Variants in KIAA1671 observed in about 807,000 individuals in gnomAD.
KIAA1671 encodes the protein KIAA1671.
In KIAA1671, 52 loss-of-function variants were observed where a neutral mutation model predicts 131.2. The observed-to-expected ratio is 0.40, with a 90% CI of 0.32 to 0.50. The LOEUF (loss-of-function observed/expected upper bound fraction) is 0.50. Ranked by LOEUF, KIAA1671 falls within the 20% of genes least tolerant of loss-of-function variation. The pLI, the probability that KIAA1671 is intolerant of heterozygous loss-of-function variation, is 0.73. For synonymous variants in KIAA1671, 1,003 were observed against 961.6 expected (o/e 1.04, Z -0.80); for missense variants, 2,360 against 2,364.2 (o/e 1.00, Z 0.04).
intron 8 of KIAA1671, 46 bp downstream of exon 8, chr22:25,174,535 CCT>C (rs1448458753): frequency 6.8e-7 from 1 of 1,473,354 alleles, no homozygotes; most frequent in Non-Finnish European, 9.0e-7. Flanking sequence ...GAAATTCCAG[CCT>C]CTCTCTGTGA....
intron 6 of KIAA1671, among the ~76,000 whole-genome samples, chr22:25,069,338 CTT>C (rs1263078679): frequency 6.6e-6 from 1 of 152,310 alleles, no homozygotes; most frequent in African/African-American, 2.4e-5. Flanking sequence ...AAATCATGCT[CTT>C]TTGAAGGAAA....
chr22:25,132,050 A>G (rs1322976441), intron 6 of KIAA1671, among the ~76,000 whole-genome samples: 2 of 152,204 alleles, frequency 1.3e-5, no homozygotes, highest in African/African-American at 4.8e-5. Flanking sequence ...GTGCTGTTAT[A>G]TTATTCCCAG....
intron 3 of KIAA1671, 22 bp downstream of exon 3, chr22:25,029,562 C>T: frequency 1.3e-6 from 2 of 1,482,570 alleles, no homozygotes; most frequent in East Asian, 2.5e-5. Context: ...CATCCCACAC[C>T]CCTCTCTCAG....
chr22:25,133,261 A>T (rs1932525047), intron 6 of KIAA1671, among the ~76,000 whole-genome samples: 1 of 152,128 alleles, frequency 6.6e-6, no homozygotes, highest in Admixed American at 6.5e-5. Flanking sequence ...TTGATTGGGG[A>T]AATCTCACTA....
chr22:25,019,314 C>T (rs1925531043), intron 1 of KIAA1671, among the ~76,000 whole-genome samples: 1 of 152,056 alleles, frequency 6.6e-6, no homozygotes, highest in Admixed American at 6.6e-5. Flanking sequence ...GGACCTGCCT[C>T]TTTGGGATGG....
At chr22:25,111,374 G>C (rs1008628162) in intron 6 of KIAA1671, among the ~76,000 whole-genome samples, 1 of 152,188 alleles carries the variant, frequency 6.6e-6, no homozygotes, top group Non-Finnish European at 1.5e-5. Flanking sequence ...GGACTTGGGG[G>C]AGAAAAAAAT....
At chr22:25,135,914 C>A (rs1056518549) in intron 6 of KIAA1671, among the ~76,000 whole-genome samples, 1 of 152,248 alleles carries the variant, frequency 6.6e-6, no homozygotes, top group Admixed American at 6.5e-5. Context: ...TGATGCTTTG[C>A]ATCCTTGCAG....
At chr22:25,183,881 CA>C (rs944436416) in intron 10 of KIAA1671, among the ~76,000 whole-genome samples, 1 of 151,732 alleles carries the variant, frequency 6.6e-6, no homozygotes, top group Admixed American at 6.6e-5. Context: ...TTTCTTGCCA[CA>C]AAGCAAATGA....
At chr22:25,115,194 C>T (rs1047284445) in intron 6 of KIAA1671, among the ~76,000 whole-genome samples, 5 of 152,194 alleles carry the variant, frequency 3.3e-5, no homozygotes, top group Non-Finnish European at 5.9e-5. Context: ...CTGAGAAACA[C>T]GCCTGGTACT....
chr22:25,121,461 CAA>C (rs374457851), intron 6 of KIAA1671, among the ~76,000 whole-genome samples: 23 of 61,244 alleles, frequency 3.8e-4, no homozygotes, highest in Admixed American at 9.1e-4. Flanking sequence ...GACTCCATCT[CAA>C]AAAAAAAAAA....
At chr22:24,966,401 A>G (rs1922308513) in intron 1 of KIAA1671, among the ~76,000 whole-genome samples, 1 of 152,148 alleles carries the variant, frequency 6.6e-6, no homozygotes, top group African/African-American at 2.4e-5. Context: ...TCTGGACTTG[A>G]AGCCTGGGTT....
At chr22:25,037,420 ATGTG>A (rs1445825369) in intron 4 of KIAA1671, among the ~76,000 whole-genome samples, 1 of 151,882 alleles carries the variant, frequency 6.6e-6, no homozygotes, top group Non-Finnish European at 1.5e-5. Context: ...GTGTATATAT[ATGTG>A]TGTGTATATA....
At chr22:24,973,537 GCA>G (rs1266465863) in intron 1 of KIAA1671, among the ~76,000 whole-genome samples, 1,752 of 151,606 alleles carry the variant, frequency 0.012, 27 homozygotes, top group African/African-American at 0.039. Flanking sequence ...TGGGATACAG[GCA>G]TGTGCCACCA....
At chr22:24,973,184 G>C (rs947209101) in intron 1 of KIAA1671, among the ~76,000 whole-genome samples, 1 of 152,144 alleles carries the variant, frequency 6.6e-6, no homozygotes, top group African/African-American at 2.4e-5. Flanking sequence ...GGCAGGACTC[G>C]GTTTGGGCTT....
At chr22:24,959,581 T>C (rs57866139) in intron 1 of KIAA1671, among the ~76,000 whole-genome samples, 12 of 139,586 alleles carry the variant, frequency 8.6e-5, no homozygotes, top group East Asian at 6.0e-4. Context: ...CACACACACA[T>C]ATATATATTT....
At chr22:25,066,245 C>T (rs1050915182) in intron 6 of KIAA1671, among the ~76,000 whole-genome samples, 1 of 152,142 alleles carries the variant, frequency 6.6e-6, no homozygotes, top group African/African-American at 2.4e-5. Context: ...AACTCTTGGG[C>T]TTGAGCAATC....
chr22:25,062,853 T>G (rs1178628096), intron 6 of KIAA1671: 2 of 53,576 alleles, frequency 3.7e-5, no homozygotes, highest in Non-Finnish European at 7.1e-5. Context: ...TCCCTAGTTG[T>G]GTGTTTTCAG....
chr22:25,168,384 C>T (rs62231223), intron 6 of KIAA1671, among the ~76,000 whole-genome samples: 1 of 152,192 alleles, frequency 6.6e-6, no homozygotes, highest in Non-Finnish European at 1.5e-5. Flanking sequence ...CACGTTCTGC[C>T]TGGTACAATT....
At chr22:25,010,579 GAAGT>G (rs570983491) in intron 1 of KIAA1671, 166 of 152,270 alleles carry the variant, frequency 1.1e-3, no homozygotes, top group African/African-American at 3.8e-3. Context: ...CCTCAGATTT[GAAGT>G]AAGTATCATT....
Sources: gnomAD v4.1 joint callset for allele counts (sites outside exome capture counted in the v4.1 genomes callset) on GRCh38, gnomAD v4.1.1 for gene constraint, MANE v1.5 for transcripts, NCBI Gene and HGNC (gene_info 2026-07-23, HGNC 2026-07-21) for gene names.